FILIP1: variants seen among roughly 807,000 people sequenced by gnomAD.
FILIP1 encodes the protein filamin-A-interacting protein 1.
In FILIP1, 61 loss-of-function variants were observed where a neutral mutation model predicts 102.1. That is an observed-to-expected ratio of 0.60 (90% CI 0.49 to 0.74). The LOEUF is 0.74. Ranked by LOEUF, FILIP1 falls within the 30% of genes least tolerant of loss-of-function variation. The pLI is 0.00. For synonymous variants in FILIP1, 491 were observed against 526.9 expected (o/e 0.93, Z 0.93); for missense variants, 1,314 against 1,441.2 (o/e 0.91, Z 1.43).
At chr6:75,449,611 T>C (rs916931370) in intron 1 of FILIP1, among the ~76,000 whole-genome samples, 3 of 152,102 alleles carry the variant, frequency 2.0e-5, no homozygotes, top group Non-Finnish European at 4.4e-5. Flanking sequence ...AGACCCCATC[T>C]GTATTTTTTT....
At chr6:75,375,403 T>C (rs1775719328) in intron 2 of FILIP1, among the ~76,000 whole-genome samples, 1 of 152,174 alleles carries the variant, frequency 6.6e-6, no homozygotes, top group African/African-American at 2.4e-5. Flanking sequence ...GTGTTCGCTG[T>C]GCACTTACAG....
At chr6:75,478,261 A>T (rs1300437296) in intron 1 of FILIP1, among the ~76,000 whole-genome samples, 1 of 152,178 alleles carries the variant, frequency 6.6e-6, no homozygotes, top group East Asian at 1.9e-4. Context: ...GCTTCTTCCA[A>T]AAAAGGGCTT....
chr6:75,471,218 G>A (rs1015235099), intron 1 of FILIP1, among the ~76,000 whole-genome samples: 1 of 149,146 alleles, frequency 6.7e-6, no homozygotes. Context: ...TCAACCACAG[G>A]AGTATAAAAG....
Position 75,372,720 on chromosome 6 carries a change from AAGAG to A in FILIP1, c.277-9807_277-9804del, listed in dbSNP as rs1187381016. Among the ~76,000 whole-genome samples, 335 of 56,230 alleles carry A rather than the reference AAGAG, an allele frequency of 6.0e-3. 37 individuals carry two copies. Among genetic ancestry groups the A allele is most frequent in the African/African-American group, 0.032 (308 of 9,728 alleles). 36.9% of individuals were successfully genotyped at this position (56,230 alleles called of 152,430 possible). On this transcript the variant is annotated intron_variant, in intron 2 of 5. Coordinates refer to ENST00000237172, the MANE Select transcript of FILIP1 (RefSeq NM_015687.5). ...GAGAAAGAAAGAAAGAAAGGAAAGA[AAGAG>A]AAAGAGAAAGAAAGAAAGAAAGAAA... is the stretch of plus-strand genomic sequence containing the variant.
chr6:75,474,333 A>G (rs1212078894), intron 1 of FILIP1, among the ~76,000 whole-genome samples: 2 of 152,172 alleles, frequency 1.3e-5, no homozygotes, highest in Non-Finnish European at 2.9e-5. Flanking sequence ...TATTAAACAT[A>G]TATTTGTTTC....
At chr6:75,320,979 C>CT (rs1203867414) in intron 4 of FILIP1, among the ~76,000 whole-genome samples, 4 of 152,146 alleles carry the variant, frequency 2.6e-5, no homozygotes, top group Non-Finnish European at 5.9e-5. Context: ...TGAATTAAGG[C>CT]TTTTTTTCTC....
chr6:75,313,352 G>T lies in FILIP1; in HGVS notation c.2480C>A (p.Ser827Tyr), dbSNP rs573177009. ...EETPAVFIRK[S>Y]FQEENHIMSN... ...CATAATATGATTTTCTTCCTGGAAGGATTTCCGTATGAATACAGCTGGCGT... is the reference window on the plus strand; with the variant it reads ...CATAATATGATTTTCTTCCTGGAAGTATTTCCGTATGAATACAGCTGGCGT... The change falls in exon 5 of 6, where the codon TCC (serine) becomes TAC (tyrosine). Residue 827 changes from serine to tyrosine, a missense_variant. Physicochemically the swap from Ser to Tyr is moderately radical, Grantham distance 144 (BLOSUM62 -2). Transcript: ENST00000237172. The surrounding 1 kb of genome is among the most constrained non-coding windows in gnomAD (Gnocchi z 4.2). 30 of 1,614,080 alleles carry T rather than the reference G, an allele frequency of 1.9e-5. No individual in the cohort carries two copies. The highest frequency in any genetic ancestry group is 2.5e-5 in the Non-Finnish European group (30 of 1,180,038).
chr6:75,383,504 A>G (rs1266577956), intron 2 of FILIP1, among the ~76,000 whole-genome samples: 2 of 152,216 alleles, frequency 1.3e-5, no homozygotes, highest in African/African-American at 4.8e-5. Context: ...TTATAAAAAA[A>G]TCAACATTAG....
At chr6:75,325,352 G>A (rs576765960) in intron 4 of FILIP1, among the ~76,000 whole-genome samples, 12 of 152,182 alleles carry the variant, frequency 7.9e-5, no homozygotes, top group Non-Finnish European at 1.6e-4. Flanking sequence ...AATCTGGGAG[G>A]TGGAGGCTGC....
intron 4 of FILIP1, among the ~76,000 whole-genome samples, chr6:75,317,306 T>G (rs1446909036): frequency 6.6e-6 from 1 of 152,200 alleles, no homozygotes; most frequent in Non-Finnish European, 1.5e-5. Context: ...AAGCAGGATA[T>G]AAATAAATCC....
rs1370437916 is a variant in FILIP1 at position 75,446,196 on chromosome 6, T to C, written c.-6-31218A>G. Among the ~76,000 whole-genome samples the C allele has an allele frequency of 2.6e-5, 4 of 152,194 alleles. 1 individual carries two copies. Among genetic ancestry groups the C allele is most frequent in the Non-Finnish European group, 5.9e-5 (4 of 68,012 alleles). Reference sequence around the variant, plus strand: ...TATATTTATTCTTAAAAACAAATCCTCTAGTTGTTCCATTCACCATTTGAA... The same window carrying C: ...TATATTTATTCTTAAAAACAAATCCCCTAGTTGTTCCATTCACCATTTGAA... On this transcript the variant is annotated intron_variant, in intron 1 of 5. Coordinates refer to ENST00000237172, the MANE Select transcript of FILIP1 (RefSeq NM_015687.5).
chr6:75,403,510 C>G (rs1776730090), intron 2 of FILIP1, among the ~76,000 whole-genome samples: 1 of 22,174 alleles, frequency 4.5e-5, no homozygotes, highest in Non-Finnish European at 8.8e-5. Flanking sequence ...AAGACTCTGT[C>G]CCACAAAAAA....
At chr6:75,469,614 A>G (rs1779273690) in intron 1 of FILIP1, among the ~76,000 whole-genome samples, 1 of 152,138 alleles carries the variant, frequency 6.6e-6, no homozygotes, top group Non-Finnish European at 1.5e-5. Flanking sequence ...GCTGGACTGC[A>G]TAAGGAAAGA....
intron 1 of FILIP1, among the ~76,000 whole-genome samples, chr6:75,460,954 C>T (rs559197569): frequency 1.8e-4 from 27 of 152,198 alleles, no homozygotes; most frequent in Middle Eastern, 3.4e-3. Flanking sequence ...TTAGTTCTTT[C>T]AAATTTTTCT....
At chr6:75,416,179 A>G (rs543868306) in intron 1 of FILIP1, among the ~76,000 whole-genome samples, 5 of 152,184 alleles carry the variant, frequency 3.3e-5, no homozygotes, top group African/African-American at 7.2e-5. Context: ...GAAACTAAGG[A>G]AAGATTTTTT....
At chr6:75,326,528 A>T (rs530682451) in intron 4 of FILIP1, among the ~76,000 whole-genome samples, 1 of 152,196 alleles carries the variant, frequency 6.6e-6, no homozygotes, top group Non-Finnish European at 1.5e-5. Context: ...AGCTTAAATA[A>T]AGCCCACCCC....
chr6:75,403,776 A>C (rs1368682438), intron 2 of FILIP1, among the ~76,000 whole-genome samples: 1 of 152,200 alleles, frequency 6.6e-6, no homozygotes, highest in Non-Finnish European at 1.5e-5. Flanking sequence ...AGCAATTTAG[A>C]CTTCTATCTG....
At chr6:75,472,883 C>T (rs1779371188) in intron 1 of FILIP1, among the ~76,000 whole-genome samples, 1 of 152,116 alleles carries the variant, frequency 6.6e-6, no homozygotes, top group African/African-American at 2.4e-5. Context: ...CTAAATATTA[C>T]GTCTTCCAAA....
At chr6:75,373,709 G>GA (rs5877454) in intron 2 of FILIP1, among the ~76,000 whole-genome samples, 111,755 of 151,798 alleles carry the variant, frequency 0.74, 41,624 homozygotes, top group African/African-American at 0.86. Flanking sequence ...TTATGTTTTT[G>GA]AAAAAACTAA....
Sources: allele counts gnomAD v4.1 joint callset (sites outside exome capture counted in the v4.1 genomes callset), GRCh38; gene constraint gnomAD v4.1.1; non-coding constraint Gnocchi (gnomAD v3.1); transcripts MANE v1.5; gene names NCBI Gene and HGNC (gene_info 2026-07-23, HGNC 2026-07-21).